DENND11: variants seen among roughly 807,000 people sequenced by gnomAD.
The protein encoded by DENND11 is DENN domain containing 11.
In DENND11, 34 loss-of-function variants were observed where a neutral mutation model predicts 49.2. The observed-to-expected ratio is 0.69, with a 90% CI of 0.53 to 0.92. The LOEUF is 0.92. DENND11 is among the 40% of genes least tolerant of loss of function. DENND11 has a pLI of 0.00. For missense variants in DENND11, 475 were observed against 581.6 expected, an observed-to-expected ratio of 0.82 and a Z score of 1.88; for synonymous variants, 238 against 230.3, an observed-to-expected ratio of 1.03 and a Z score of -0.30.
chr7:141,668,404 G>A (rs1453830239), intron 4 of DENND11, among the ~76,000 whole-genome samples: 1 of 152,150 alleles, frequency 6.6e-6, no homozygotes, highest in Non-Finnish European at 1.5e-5. Context: ...GGTCAACATG[G>A]TGAAACCCCA....
rs373922490 is a variant in DENND11, at chr7:141,685,337, C to T, written c.527+141G>A. ...TTGGCTGAAACGAAAGGACACCACC[C>T]GAGGCGTGAAACATCGCCATGGATG... On this transcript the variant is annotated intron_variant, in intron 3 of 8. Transcript: ENST00000536163. 393 of 1,038,040 alleles carry T rather than the reference C, an allele frequency of 3.8e-4. 4 individuals are homozygous for T. In the African/African-American group the frequency reaches 3.8e-3, roughly 10 times the overall value. The allele number at this position is 1,038,040 out of a possible 1,614,324, so 64.3% of individuals were successfully genotyped here.
rs1797754250 is a variant in DENND11 at position 141,659,472 on chromosome 7, G to A, written c.*3184C>T. The A allele has an allele frequency of 6.6e-6, 1 of 152,306 alleles. No individual in the cohort carries two copies. The highest frequency in any genetic ancestry group is 3.4e-3 in the Middle Eastern group (1 of 294). The allele number at this position is 152,306 out of a possible 1,614,324, so 9.4% of individuals were successfully genotyped here. A position where few individuals can be genotyped will look rare whatever the true frequency, so the allele number is the denominator to read the frequency against. On this transcript the variant is annotated 3_prime_UTR_variant, in exon 9 of 9. Coordinates refer to ENST00000536163, the MANE Select transcript of DENND11 (RefSeq NM_001080392.2). ...CAACTGGACATTTTCCCAAAGGCTGGGCAGTATCATCTGCTGAGCCTACAG... is the reference window on the plus strand; with the variant it reads ...CAACTGGACATTTTCCCAAAGGCTGAGCAGTATCATCTGCTGAGCCTACAG...
Position 141,664,158 on chromosome 7 carries a change from G to T in DENND11, c.1172+14C>A. On this transcript the variant is annotated intron_variant, in intron 8 of 8. Coordinates refer to ENST00000536163, the MANE Select transcript of DENND11 (RefSeq NM_001080392.2). ...TCCTCAGGGAGACTCCACATCCACG[G>T]CCCCAGGACTCACAGCACGAAGAGG... 5 of 1,567,988 alleles carry T rather than the reference G, an allele frequency of 3.2e-6. No homozygotes were observed. Among genetic ancestry groups the T allele is most frequent in the Non-Finnish European group, 4.3e-6 (5 of 1,153,872 alleles).
rs1798224223 is a variant in DENND11 at position 141,685,482 on chromosome 7, C to T, written c.523G>A (p.Val175Ile). 3 of 1,613,826 alleles carry T rather than the reference C, an allele frequency of 1.9e-6. No homozygotes were observed. Among genetic ancestry groups the T allele is most frequent in the East Asian group, 4.5e-5 (2 of 44,870 alleles). The part of the protein sequence containing the change: ...YRYMHFLENQ[V>I]RHQLEMPGHY... ...ACATGTACGGAAGCCACGTACCGAA[C>T]CTGGTTCTCCAAGAAGTGCATGTAG... Residue 175 changes from valine (V) to isoleucine (I), a missense_variant, in exon 3 of 9, where the codon GTT (valine) becomes ATT (isoleucine). Transcript: ENST00000536163.
At chr7:141,677,139 G>T (rs1471461351) in intron 3 of DENND11, among the ~76,000 whole-genome samples, 1 of 152,044 alleles carries the variant, frequency 6.6e-6, no homozygotes, top group African/African-American at 2.4e-5. Flanking sequence ...TTATTGGTCT[G>T]AACAGGCCGG....
intron 4 of DENND11, among the ~76,000 whole-genome samples, chr7:141,668,038 G>A (rs13230393): frequency 0.11 from 17,190 of 152,228 alleles, 1,367 homozygotes; most frequent in East Asian, 0.35. Flanking sequence ...GCCAAAGCAC[G>A]TGCCGGTTCC....
rs1213721488 is a variant in DENND11, at chr7:141,661,858, T to A, written c.*798A>T. ...GAGCATTATTGAACCCTTAAGAGAC[T>A]AAACTGGAAAATTAATTTGCTTGCA... is the stretch of plus-strand genomic sequence containing the variant. On this transcript the variant is annotated 3_prime_UTR_variant, in exon 9 of 9. Transcript: ENST00000536163. 2 of 152,242 alleles carry A rather than the reference T, an allele frequency of 1.3e-5. No individual in the cohort carries two copies. Among genetic ancestry groups the A allele is most frequent in the African/African-American group, 4.8e-5 (2 of 41,464 alleles). The allele number at this position is 152,242 out of a possible 1,614,324, so 9.4% of individuals were successfully genotyped here.
At chr7:141,677,578 A>G (rs1205896820) in intron 3 of DENND11, among the ~76,000 whole-genome samples, 1 of 149,954 alleles carries the variant, frequency 6.7e-6, no homozygotes, top group Non-Finnish European at 1.5e-5. Flanking sequence ...GGCTTTGCAA[A>G]TGCAGAAAAC....
chr7:141,668,337 A>C (rs893294460), intron 4 of DENND11, among the ~76,000 whole-genome samples: 8 of 148,808 alleles, frequency 5.4e-5, no homozygotes, highest in African/African-American at 1.9e-4. Flanking sequence ...CTGTAATCCC[A>C]GCACTTTGGG....
chr7:141,680,403 T>G (rs1798130980), intron 3 of DENND11, among the ~76,000 whole-genome samples: 1 of 152,064 alleles, frequency 6.6e-6, no homozygotes, highest in South Asian at 2.1e-4. Flanking sequence ...AGAAATGAAC[T>G]GTGATTACTG....
intron 1 of DENND11, among the ~76,000 whole-genome samples, chr7:141,689,935 T>G (rs1468595680): frequency 1.3e-5 from 2 of 152,270 alleles, no homozygotes; most frequent in Non-Finnish European, 2.9e-5. Flanking sequence ...TACTTCCAAT[T>G]TGAAGTTACA....
At chr7:141,695,508 G>A (rs1006423184) in intron 1 of DENND11, among the ~76,000 whole-genome samples, 2 of 152,178 alleles carry the variant, frequency 1.3e-5, no homozygotes, top group Admixed American at 6.5e-5. Context: ...TGGAATTTGA[G>A]GAGACTTAAT....
intron 4 of DENND11, among the ~76,000 whole-genome samples, chr7:141,668,928 C>T (rs995438719): frequency 6.6e-6 from 1 of 152,202 alleles, no homozygotes; most frequent in Non-Finnish European, 1.5e-5. Flanking sequence ...GTTTTCCCTC[C>T]AACCTTTCAA....
At chr7:141,701,821 C>T in intron 1 of DENND11, 65 bp downstream of exon 1, 1 of 1,132,802 alleles carries the variant, frequency 8.8e-7, no homozygotes, top group Non-Finnish European at 1.1e-6. Context: ...GCCCCTCCCC[C>T]GCGCCCCCAA....
intron 1 of DENND11, chr7:141,701,432 GC>G (rs1420150535): frequency 7.3e-6 from 1 of 137,020 alleles, no homozygotes; most frequent in African/African-American, 2.7e-5. Context: ...CGAGCGGGGA[GC>G]GGGGGACGGG....
At chr7:141,697,081 G>A (rs1798425590) in intron 1 of DENND11, among the ~76,000 whole-genome samples, 1 of 152,166 alleles carries the variant, frequency 6.6e-6, no homozygotes. Context: ...GTGGTAGTGT[G>A]GTGTGGATAA....
intron 3 of DENND11, among the ~76,000 whole-genome samples, chr7:141,680,368 C>T (rs13237197): frequency 0.12 from 17,940 of 152,006 alleles, 1,423 homozygotes; most frequent in East Asian, 0.35. Context: ...TATATACACA[C>T]ACACACACTT....
intron 4 of DENND11, among the ~76,000 whole-genome samples, chr7:141,666,955 C>T (rs904406553): frequency 3.9e-5 from 6 of 152,130 alleles, no homozygotes; most frequent in Non-Finnish European, 7.4e-5. Flanking sequence ...GAGTCTGACT[C>T]ACTCTGTCAC....
chr7:141,690,345 G>A (rs74951158), intron 1 of DENND11, among the ~76,000 whole-genome samples: 1,612 of 152,208 alleles, frequency 0.011, 23 homozygotes, highest in African/African-American at 0.035. Context: ...AGCCTGATCC[G>A]CGTTCCCACC....
Sources: allele counts gnomAD v4.1 joint callset (sites outside exome capture counted in the v4.1 genomes callset), GRCh38; gene constraint gnomAD v4.1.1; transcripts MANE v1.5; gene names NCBI Gene and HGNC (gene_info 2026-07-23, HGNC 2026-07-21).